KLHL29: variants seen among roughly 807,000 people sequenced by gnomAD.
The protein encoded by KLHL29 is kelch like family member 29.
In KLHL29, 21 loss-of-function variants were observed where a neutral mutation model predicts 80.4. The ratio of observed to expected loss-of-function variants is 0.26; its 90% confidence interval spans 0.19 to 0.38. The LOEUF is 0.38. Ranked by LOEUF, KLHL29 falls within the 10% of genes least tolerant of loss-of-function variation. The probability of loss-of-function intolerance (pLI) is 1.00; values close to 1 mark genes in which losing one functional copy is unlikely to be tolerated. For synonymous variants in KLHL29, 511 were observed against 526.8 expected, an observed-to-expected ratio of 0.97 and a Z score of 0.41; for missense variants, 867 against 1,223.9, an observed-to-expected ratio of 0.71 and a Z score of 4.35.
chr2:23,583,216 C>T (rs4665230), intron 3 of KLHL29, among the ~76,000 whole-genome samples: 87,032 of 152,042 alleles, frequency 0.57, 27,485 homozygotes, highest in East Asian at 0.77. Flanking sequence ...ACTGTGTGGT[C>T]GTTTGTTGCC....
At chr2:23,654,473 C>T (rs999435314) in intron 5 of KLHL29, among the ~76,000 whole-genome samples, 3 of 152,214 alleles carry the variant, frequency 2.0e-5, no homozygotes, top group Non-Finnish European at 2.9e-5. Flanking sequence ...TATTTTCAGT[C>T]TTTCTTTTAT....
chr2:23,662,698 G>A (rs1222045842), intron 5 of KLHL29, among the ~76,000 whole-genome samples: 2 of 152,100 alleles, frequency 1.3e-5, no homozygotes, highest in Admixed American at 6.5e-5. Flanking sequence ...CCCCTCCCAG[G>A]GGTCCCACCC....
Position 23,680,621 on chromosome 2 carries a change from G to T in KLHL29, c.941-3778G>T, listed in dbSNP as rs141079058. On this transcript the variant is annotated intron_variant, in intron 5 of 13. Transcript: ENST00000486442. This position sits in a 1 kb window ranked among gnomAD's most constrained non-coding sequence, Gnocchi z 4.1. The stretch of plus-strand genomic sequence containing the variant: ...GAGCCTCCATGCAGGGAGGGTCATG[G>T]GCTCTCTAGGCCATCTTCTCCTGGG... Among the ~76,000 whole-genome samples, 287 of 152,198 alleles carry T rather than the reference G, an allele frequency of 1.9e-3. 1 individual carries two copies. Among genetic ancestry groups the T allele is most frequent in the African/African-American group, 6.7e-3 (278 of 41,534 alleles).
chr2:23,421,487 C>T (rs888906521), intron 1 of KLHL29, among the ~76,000 whole-genome samples: 2 of 150,592 alleles, frequency 1.3e-5, no homozygotes, highest in African/African-American at 4.9e-5. Context: ...AGTCATTCTG[C>T]TTGTCCTGAA....
intron 1 of KLHL29, among the ~76,000 whole-genome samples, chr2:23,441,334 T>TGGGGGGA (rs1663514113): frequency 3.6e-5 from 2 of 56,218 alleles, no homozygotes; most frequent in Non-Finnish European, 6.6e-5. Context: ...TGTGGCGGGG[T>TGGGGGGA]GGGGGGAGGG....
At chr2:23,470,457 C>CT (rs946364524) in intron 1 of KLHL29, among the ~76,000 whole-genome samples, 2 of 152,118 alleles carry the variant, frequency 1.3e-5, no homozygotes, top group African/African-American at 4.8e-5. Context: ...TTTGGACAAC[C>CT]TTTTTTTGCC....
chr2:23,572,211 G>A (rs751538152), intron 3 of KLHL29, among the ~76,000 whole-genome samples: 1 of 152,110 alleles, frequency 6.6e-6, no homozygotes, highest in Admixed American at 6.6e-5. Context: ...CTTTAGCCAC[G>A]CTGAAATTCC....
chr2:23,427,679 CAT>C (rs557389283), intron 1 of KLHL29, among the ~76,000 whole-genome samples: 44 of 152,198 alleles, frequency 2.9e-4, no homozygotes, highest in Non-Finnish European at 4.7e-4. Context: ...ATTGGCTAAA[CAT>C]AGTAATTTTG....
In KLHL29 at chr2:23,695,129, C is replaced by T. The variant is rs536419194; in HGVS notation, c.1543-494C>T. 6.6e-6 allele frequency among the ~76,000 whole-genome samples: 1 copy of T among 152,248 alleles called. No homozygotes were observed. Among genetic ancestry groups the T allele is most frequent in the South Asian group, 2.1e-4 (1 of 4,816 alleles). ...GACATGGGACACCACTGAAAGTTTT[C>T]GGTGCTGGAGAGACACAGGCTCCCA... On this transcript the variant is annotated intron_variant, in intron 8 of 13. Coordinates refer to ENST00000486442, the MANE Select transcript of KLHL29 (RefSeq NM_052920.2). The surrounding 1 kb of genome is among the most constrained non-coding windows in gnomAD (Gnocchi z 7.6).
intron 2 of KLHL29, among the ~76,000 whole-genome samples, chr2:23,544,964 G>T (rs1406833149): frequency 2.6e-5 from 4 of 152,196 alleles, no homozygotes; most frequent in Non-Finnish European, 4.4e-5. Context: ...TGGGAGAGAT[G>T]ATCTGGCTTG....
intron 1 of KLHL29, among the ~76,000 whole-genome samples, chr2:23,469,610 T>C (rs1253157564): frequency 6.6e-6 from 1 of 152,216 alleles, no homozygotes; most frequent in African/African-American, 2.4e-5. Context: ...GTCTGATTTT[T>C]TTTTAAACTG....
At chr2:23,621,171 C>T (rs1217662999) in intron 3 of KLHL29, among the ~76,000 whole-genome samples, 2 of 152,240 alleles carry the variant, frequency 1.3e-5, no homozygotes, top group Non-Finnish European at 2.9e-5. Flanking sequence ...GGGCCCAGTT[C>T]TCACCCAGCA....
Position 23,601,437 on chromosome 2 carries a change from T to A in KLHL29, c.286-37702T>A, listed in dbSNP as rs536374647. Among the ~76,000 whole-genome samples, 4 of 151,820 alleles carry A rather than the reference T, an allele frequency of 2.6e-5. No homozygotes were observed. In the South Asian group the frequency reaches 8.4e-4, roughly 32 times the overall value. On this transcript the variant is annotated intron_variant, in intron 3 of 13. Coordinates refer to ENST00000486442, the MANE Select transcript of KLHL29 (RefSeq NM_052920.2). ...AGTAATTTACGTGGTCATAAGGGAGTAAAATTCTGCCCTGGAATGTGCATG... is the reference window on the plus strand; with the variant it reads ...AGTAATTTACGTGGTCATAAGGGAGAAAAATTCTGCCCTGGAATGTGCATG...
In KLHL29 at chr2:23,660,138, C is replaced by G. The variant is rs546629027; in HGVS notation, c.940+17288C>G. 5.0e-4 allele frequency among the ~76,000 whole-genome samples: 76 copies of G among 152,190 alleles called. 1 individual carries two copies. Among genetic ancestry groups the G allele is most frequent in the Admixed American group, 1.4e-3 (22 of 15,286 alleles). On this transcript the variant is annotated intron_variant, in intron 5 of 13. Coordinates refer to ENST00000486442, the MANE Select transcript of KLHL29 (RefSeq NM_052920.2). ...AAGTGCCAGCCTAGGGCAGACAGGT[C>G]TCTTCTCTGTGACTCACTCTTCTCT...
chr2:23,452,545 G>A (rs189746826), intron 1 of KLHL29, among the ~76,000 whole-genome samples: 103 of 152,224 alleles, frequency 6.8e-4, no homozygotes, highest in African/African-American at 2.4e-3. Flanking sequence ...ATAGTTCTGG[G>A]AACGTCACTG....
rs1432557312 is a variant in KLHL29, at chr2:23,703,807, T to G, written c.2388T>G (p.Pro796=). The G allele has an allele frequency of 3.9e-6, 6 of 1,537,392 alleles. No homozygotes were observed. The Admixed American group carries it at 9.8e-5, about 25-fold the overall frequency. The change falls in exon 13 of 14, where the codon CCT becomes CCG. Residue 796 remains proline (P), a synonymous_variant. Coordinates refer to ENST00000486442, the MANE Select transcript of KLHL29 (RefSeq NM_052920.2). ...CCAGAGCTACCACCATCTACGACCC[T>G]GAGAAAGGAAACATTAAGGCGGGCC... ...AYARATTIYD[P]EKGNIKAGPN...
At chr2:23,666,927 C>A (rs1274016437) in intron 5 of KLHL29, among the ~76,000 whole-genome samples, 2 of 152,386 alleles carry the variant, frequency 1.3e-5, no homozygotes, top group East Asian at 1.9e-4. Context: ...GCCTACTGGG[C>A]AGTTGCTCCC....
At chr2:23,571,015 A>G (rs924499025) in intron 3 of KLHL29, among the ~76,000 whole-genome samples, 2 of 152,196 alleles carry the variant, frequency 1.3e-5, no homozygotes, top group East Asian at 3.9e-4. Context: ...GCCCTGCGCC[A>G]TGGCTCTGGT....
chr2:23,595,003 T>C (rs1483956751), intron 3 of KLHL29, among the ~76,000 whole-genome samples: 1 of 152,248 alleles, frequency 6.6e-6, no homozygotes, highest in Non-Finnish European at 1.5e-5. Flanking sequence ...TAGTTTTTAA[T>C]TTCATGAAGA....
Sources: gnomAD v4.1 joint callset for allele counts (sites outside exome capture counted in the v4.1 genomes callset) on GRCh38, gnomAD v4.1.1 for gene constraint, Gnocchi (gnomAD v3.1) non-coding constraint, MANE v1.5 for transcripts, NCBI Gene and HGNC (gene_info 2026-07-23, HGNC 2026-07-21) for gene names.